Variants in MSRA observed in about 807,000 individuals in gnomAD.
MSRA encodes methionine sulfoxide reductase A.
In MSRA, 54 loss-of-function variants were observed where a neutral mutation model predicts 31.3. That is an observed-to-expected ratio of 1.73 (90% CI 1.39 to 2.17). The LOEUF is 2.17. Ranked by LOEUF, MSRA falls within the 30% of genes most tolerant of loss-of-function variation. The pLI is 0.00. For synonymous variants in MSRA, 169 were observed against 116.5 expected (o/e 1.45, Z -2.90); for missense variants, 507 against 300.9 (o/e 1.69, Z -5.07).
At chr8:10,195,173 G>C (rs907960831) in intron 1 of MSRA, among the ~76,000 whole-genome samples, 7 of 152,186 alleles carry the variant, frequency 4.6e-5, no homozygotes, top group African/African-American at 1.7e-4. Flanking sequence ...GTCTTTGTCC[G>C]TGAGCAAAGC....
chr8:10,059,361 T>C (rs899173189), intron 1 of MSRA, among the ~76,000 whole-genome samples: 3 of 152,200 alleles, frequency 2.0e-5, no homozygotes, highest in African/African-American at 7.2e-5. Flanking sequence ...TCACCACTTA[T>C]AGATGTGGAA....
intron 1 of MSRA, among the ~76,000 whole-genome samples, chr8:10,200,565 A>C (rs990360101): frequency 3.3e-5 from 5 of 152,072 alleles, no homozygotes; most frequent in African/African-American, 1.2e-4. Flanking sequence ...CAGGTCAGGG[A>C]GGAGCACTGG....
chr8:10,225,833 G>A (rs964710117), intron 2 of MSRA, among the ~76,000 whole-genome samples: 3 of 152,306 alleles, frequency 2.0e-5, no homozygotes, highest in Non-Finnish European at 4.4e-5. Flanking sequence ...ACCATCTACC[G>A]GGTGCCAAGC....
intron 5 of MSRA, among the ~76,000 whole-genome samples, chr8:10,355,050 T>C (rs1804427973): frequency 6.6e-6 from 1 of 152,198 alleles, no homozygotes; most frequent in African/African-American, 2.4e-5. Flanking sequence ...AGTAGCATAA[T>C]GTATTTTCTT....
At chr8:10,308,155 A>T (rs994685338) in intron 4 of MSRA, among the ~76,000 whole-genome samples, 1 of 152,210 alleles carries the variant, frequency 6.6e-6, no homozygotes, top group African/African-American at 2.4e-5. Flanking sequence ...ACTCTTGTTT[A>T]AAGTACTGCT....
At chr8:10,336,696 G>C (rs559916218) in intron 5 of MSRA, 1 of 152,158 alleles carries the variant, frequency 6.6e-6, no homozygotes, top group Non-Finnish European at 1.5e-5. Context: ...TAACTTACAT[G>C]ATAAATTACA....
intron 5 of MSRA, among the ~76,000 whole-genome samples, chr8:10,368,056 A>G (rs1805268342): frequency 1.3e-5 from 2 of 152,124 alleles, no homozygotes; most frequent in South Asian, 4.1e-4. Flanking sequence ...CTGCCCCGCG[A>G]AGGAATGAGT....
chr8:10,204,360 C>A (rs1373943603), intron 1 of MSRA, among the ~76,000 whole-genome samples: 5 of 152,202 alleles, frequency 3.3e-5, no homozygotes, highest in Non-Finnish European at 7.3e-5. Flanking sequence ...ATTGACTTAC[C>A]CAGAGCAGCT....
chr8:10,254,716 G>C (rs1368825124), intron 3 of MSRA, among the ~76,000 whole-genome samples: 2 of 152,086 alleles, frequency 1.3e-5, no homozygotes, highest in Non-Finnish European at 2.9e-5. Flanking sequence ...AATAAAACAG[G>C]GTTTATGTTT....
At chr8:10,164,913 A>G (rs1197580691) in intron 1 of MSRA, among the ~76,000 whole-genome samples, 2 of 152,170 alleles carry the variant, frequency 1.3e-5, no homozygotes, top group African/African-American at 4.8e-5. Context: ...CTGTATTCCC[A>G]GCTACTCAGG....
intron 1 of MSRA, among the ~76,000 whole-genome samples, chr8:10,155,390 C>T (rs1048164390): frequency 1.3e-5 from 2 of 152,140 alleles, no homozygotes; most frequent in African/African-American, 2.4e-5. Flanking sequence ...CACCCACGCT[C>T]TCTCTCTCAC....
chr8:10,253,153 G>C (rs992417738), intron 3 of MSRA, among the ~76,000 whole-genome samples: 2 of 152,172 alleles, frequency 1.3e-5, no homozygotes, highest in African/African-American at 4.8e-5. Flanking sequence ...TCCTCGAATG[G>C]TAAAAAGAGG....
intron 1 of MSRA, among the ~76,000 whole-genome samples, chr8:10,137,503 G>T (rs1484390879): frequency 1.3e-5 from 2 of 152,158 alleles, no homozygotes; most frequent in East Asian, 1.9e-4. Flanking sequence ...GGTATACTGG[G>T]AAATAAGAGA....
chr8:10,215,211 C>T (rs1164880094), intron 2 of MSRA, among the ~76,000 whole-genome samples: 1 of 152,108 alleles, frequency 6.6e-6, no homozygotes, highest in African/African-American at 2.4e-5. Flanking sequence ...AAAGTGAAGC[C>T]CTCCTCCCAC....
At chr8:10,114,314 G>C (rs1800514501) in intron 1 of MSRA, among the ~76,000 whole-genome samples, 1 of 152,194 alleles carries the variant, frequency 6.6e-6, no homozygotes. Context: ...ACAAGTTCTT[G>C]TGTGAATATA....
chr8:10,372,791 A>G (rs1805551461), intron 5 of MSRA, among the ~76,000 whole-genome samples: 2 of 152,280 alleles, frequency 1.3e-5, no homozygotes, highest in Non-Finnish European at 2.9e-5. Flanking sequence ...GAGTCAAGAT[A>G]GACAACTAAA....
At chr8:10,294,668 C>T (rs897469012) in intron 3 of MSRA, among the ~76,000 whole-genome samples, 3 of 152,118 alleles carry the variant, frequency 2.0e-5, no homozygotes, top group South Asian at 2.1e-4. Context: ...CTGGTAGGGA[C>T]GTGGGGGAAC....
intron 2 of MSRA, among the ~76,000 whole-genome samples, chr8:10,209,231 A>G (rs1430406452): frequency 1.3e-5 from 2 of 152,206 alleles, no homozygotes; most frequent in Non-Finnish European, 2.9e-5. Flanking sequence ...TTATCATGGG[A>G]CAGCAAATGT....
At chr8:10,193,681 C>A (rs1347608547) in intron 1 of MSRA, among the ~76,000 whole-genome samples, 1 of 152,190 alleles carries the variant, frequency 6.6e-6, no homozygotes, top group Non-Finnish European at 1.5e-5. Context: ...CCACCAAGCG[C>A]CTGTCTGTGT....
Sources: allele counts gnomAD v4.1 joint callset (sites outside exome capture counted in the v4.1 genomes callset), GRCh38; gene constraint gnomAD v4.1.1; transcripts MANE v1.5; gene names NCBI Gene and HGNC (gene_info 2026-07-23, HGNC 2026-07-21).